The following KCNH5 variants were observed in gnomAD, a reference collection of about 807,000 sequenced individuals.
The protein encoded by KCNH5 is voltage-gated delayed rectifier potassium channel KCNH5.
In KCNH5, 46 loss-of-function variants were observed where a neutral mutation model predicts 96.1. That is an observed-to-expected ratio of 0.48 (90% CI 0.38 to 0.61). The LOEUF is 0.61. Among genes scored for constraint, KCNH5 ranks in the 20% least tolerant of loss-of-function variants. The pLI is 0.00. For missense variants in KCNH5, 907 were observed against 1,225.8 expected, an observed-to-expected ratio of 0.74 and a Z score of 3.88; for synonymous variants, 439 against 449.8, an observed-to-expected ratio of 0.98 and a Z score of 0.30.
intron 7 of KCNH5, among the ~76,000 whole-genome samples, chr14:62,872,229 T>C (rs1378277775): frequency 6.6e-6 from 1 of 152,206 alleles, no homozygotes; most frequent in Non-Finnish European, 1.5e-5. Flanking sequence ...TCTCAGTCCA[T>C]GCCCAATGCT....
In KCNH5 at chr14:63,033,992, T is replaced by C. The variant is rs1891676935; in HGVS notation, c.73+11122A>G. On this transcript the variant is annotated intron_variant, in intron 1 of 10. Coordinates refer to ENST00000322893, the MANE Select transcript of KCNH5 (RefSeq NM_139318.5). The stretch of plus-strand genomic sequence containing the variant: ...TGGAGTGCAGTGGCGCAATCTCAGT[T>C]CACTGCAATCTCCACCTTCTGGGTT... Among the ~76,000 whole-genome samples, 6 of 152,254 alleles carry C rather than the reference T, an allele frequency of 3.9e-5. No homozygotes were observed. The South Asian group carries it at 1.2e-3, about 32-fold the overall frequency.
chr14:62,802,807 T>G (rs1205428894), intron 8 of KCNH5, among the ~76,000 whole-genome samples: 1 of 152,118 alleles, frequency 6.6e-6, no homozygotes, highest in Admixed American at 6.6e-5. Context: ...AATGCAGAAC[T>G]ATGTAGTAAA....
intron 7 of KCNH5, among the ~76,000 whole-genome samples, chr14:62,935,944 T>C (rs1889671598): frequency 6.6e-6 from 1 of 152,180 alleles, no homozygotes; most frequent in Admixed American, 6.6e-5. Context: ...TTTCAATAAT[T>C]TGTTCCCAAT....
chr14:62,930,477 A>C (rs1889559996), intron 7 of KCNH5, among the ~76,000 whole-genome samples: 1 of 152,172 alleles, frequency 6.6e-6, no homozygotes, highest in African/African-American at 2.4e-5. Context: ...TGTTTATATA[A>C]CAATGTTCAT....
intron 7 of KCNH5, among the ~76,000 whole-genome samples, chr14:62,858,179 A>C (rs1175002287): frequency 1.3e-5 from 2 of 152,236 alleles, no homozygotes; most frequent in East Asian, 3.8e-4. Flanking sequence ...TCATTTCTGC[A>C]GCTGGTCAGA....
chr14:63,000,795 C>T (rs1213024218), intron 4 of KCNH5, among the ~76,000 whole-genome samples: 1 of 152,178 alleles, frequency 6.6e-6, no homozygotes, highest in Non-Finnish European at 1.5e-5. Flanking sequence ...CAATGCTCAG[C>T]CAGGTGTATG....
intron 10 of KCNH5, among the ~76,000 whole-genome samples, chr14:62,760,112 T>C (rs1291461759): frequency 6.6e-6 from 1 of 152,188 alleles, no homozygotes; most frequent in Non-Finnish European, 1.5e-5. Flanking sequence ...ATCTGATTTC[T>C]CCTGCTCACC....
intron 7 of KCNH5, among the ~76,000 whole-genome samples, chr14:62,922,924 A>G (rs149054292): frequency 6.6e-6 from 1 of 152,090 alleles, no homozygotes; most frequent in African/African-American, 2.4e-5. Context: ...TCAATATAGT[A>G]CCTGAAGTCT....
At chr14:62,885,723 C>T (rs1888582484) in intron 7 of KCNH5, among the ~76,000 whole-genome samples, 1 of 152,054 alleles carries the variant, frequency 6.6e-6, no homozygotes, top group African/African-American at 2.4e-5. Context: ...GTTCTTTAAA[C>T]AATTATGAGT....
intron 10 of KCNH5, chr14:62,712,659 A>G: frequency 1.3e-6 from 1 of 777,334 alleles, no homozygotes; most frequent in Non-Finnish European, 2.4e-6. Flanking sequence ...GAAGTCGTGC[A>G]GCAGTTTCAC....
intron 10 of KCNH5, among the ~76,000 whole-genome samples, chr14:62,736,698 A>G (rs1431037232): frequency 6.6e-6 from 1 of 152,084 alleles, no homozygotes; most frequent in East Asian, 1.9e-4. Context: ...AAGCCCCCTC[A>G]CCCTAAAACC....
chr14:62,745,962 T>C (rs1252674376), intron 10 of KCNH5, among the ~76,000 whole-genome samples: 1 of 152,120 alleles, frequency 6.6e-6, no homozygotes, highest in Non-Finnish European at 1.5e-5. Context: ...CTAAAGGATG[T>C]CAGGCAGAGT....
chr14:62,863,156 C>A (rs1378617500), intron 7 of KCNH5, among the ~76,000 whole-genome samples: 1 of 152,112 alleles, frequency 6.6e-6, no homozygotes, highest in Non-Finnish European at 1.5e-5. Context: ...GTTGACATAT[C>A]TTCTATAAAT....
At chr14:62,865,876 T>C (rs544074812) in intron 7 of KCNH5, among the ~76,000 whole-genome samples, 50 of 152,298 alleles carry the variant, frequency 3.3e-4, no homozygotes, top group African/African-American at 9.1e-4. Context: ...TTATATATGA[T>C]GGGGTACTTC....
intron 7 of KCNH5, among the ~76,000 whole-genome samples, chr14:62,905,286 A>C (rs1248739306): frequency 2.6e-5 from 4 of 152,220 alleles, no homozygotes; most frequent in African/African-American, 7.2e-5. Context: ...CATTTGCATA[A>C]TAACCCTATT....
At chr14:62,825,091 A>G (rs2140021657) in intron 8 of KCNH5, among the ~76,000 whole-genome samples, 1 of 152,238 alleles carries the variant, frequency 6.6e-6, no homozygotes, top group Admixed American at 6.6e-5. Flanking sequence ...TCTTTTCAGT[A>G]GAACGATTTG....
rs1566536904 is a variant in KCNH5, at chr14:63,003,549, AG to A, written c.305-2091del. 6.0e-3 allele frequency among the ~76,000 whole-genome samples: 648 copies of A among 107,906 alleles called. 16 individuals are homozygous for A. Among genetic ancestry groups the A allele is most frequent in the African/African-American group, 0.024 (602 of 25,364 alleles). The allele number at this position is 107,906 out of a possible 152,430, so 70.8% of individuals were successfully genotyped here. A position where few individuals can be genotyped will look rare whatever the true frequency, so the allele number is the denominator to read the frequency against. The stretch of plus-strand genomic sequence containing the variant: ...TTTATATATATTATATATTATATAT[AG>A]TATATATTATATATATTTATATTTA... On this transcript the variant is annotated intron_variant, in intron 3 of 10. Transcript: ENST00000322893.
At chr14:62,906,146 G>A (rs1469957220) in intron 7 of KCNH5, among the ~76,000 whole-genome samples, 2 of 152,202 alleles carry the variant, frequency 1.3e-5, no homozygotes, top group African/African-American at 4.8e-5. Flanking sequence ...TATTGAGAGT[G>A]TATTAGGTGT....
intron 7 of KCNH5, among the ~76,000 whole-genome samples, chr14:62,873,436 T>C (rs1483214935): frequency 6.6e-6 from 1 of 152,204 alleles, no homozygotes; most frequent in Non-Finnish European, 1.5e-5. Context: ...CAAATTCATA[T>C]GATTTATCTG....
Sources: gnomAD v4.1 joint callset for allele counts (sites outside exome capture counted in the v4.1 genomes callset) on GRCh38, gnomAD v4.1.1 for gene constraint, MANE v1.5 for transcripts, NCBI Gene and HGNC (gene_info 2026-07-23, HGNC 2026-07-21) for gene names.